TMEM232: variants seen among roughly 807,000 people sequenced by gnomAD.
The protein encoded by TMEM232 is transmembrane protein 232.
TMEM232 carries 80 observed loss-of-function variants against 78.8 expected under a neutral mutation model. That is an observed-to-expected ratio of 1.01 (90% CI 0.85 to 1.22). The LOEUF (loss-of-function observed/expected upper bound fraction) is 1.22. Among genes scored for constraint, TMEM232 ranks in the 50% most tolerant of loss-of-function variants. The pLI is 0.00. For synonymous variants in TMEM232, 297 were observed against 254.3 expected (o/e 1.17, Z -1.60); for missense variants, 881 against 742.2 (o/e 1.19, Z -2.17).
downstream of TMEM232, among the ~76,000 whole-genome samples, chr5:110,415,099 C>T (rs1458097995): frequency 6.6e-6 from 1 of 152,122 alleles, no homozygotes; most frequent in Non-Finnish European, 1.5e-5. Context: ...ACTCAGGCTC[C>T]TTATCTATTT....
chr5:110,700,773 GATA>G (rs1795331548), intron 1 of TMEM232, among the ~76,000 whole-genome samples: 1 of 127,544 alleles, frequency 7.8e-6, no homozygotes, highest in Non-Finnish European at 1.7e-5. Context: ...TAGGTAGGTA[GATA>G]GATAGATAGG....
At chr5:110,666,196 C>T (rs1790566033) in intron 2 of TMEM232, among the ~76,000 whole-genome samples, 1 of 152,036 alleles carries the variant, frequency 6.6e-6, no homozygotes, top group Admixed American at 6.6e-5. Context: ...CTGACCTGCT[C>T]CTTTTTAGCA....
At chr5:110,497,098 C>G (rs901046940) in intron 12 of TMEM232, among the ~76,000 whole-genome samples, 6 of 151,782 alleles carry the variant, frequency 4.0e-5, no homozygotes, top group Non-Finnish European at 8.8e-5. Context: ...TATCTATGGT[C>G]TCCTCCAAAT....
chr5:110,651,957 A>C (rs887942476), intron 2 of TMEM232, among the ~76,000 whole-genome samples: 2 of 152,172 alleles, frequency 1.3e-5, no homozygotes, highest in African/African-American at 4.8e-5. Context: ...TTACTGTTGT[A>C]CATAGAATTT....
intron 7 of TMEM232, among the ~76,000 whole-genome samples, chr5:110,618,973 T>A (rs1308744146): frequency 1.3e-5 from 2 of 152,230 alleles, no homozygotes; most frequent in Non-Finnish European, 2.9e-5. Context: ...ATTTCTACTT[T>A]AAGGACCAAA....
intron 1 of TMEM232, among the ~76,000 whole-genome samples, chr5:110,723,439 T>C (rs1438877796): frequency 6.6e-6 from 1 of 152,206 alleles, no homozygotes; most frequent in Non-Finnish European, 1.5e-5. Context: ...GGCTACTTCT[T>C]GGCTAGTACA....
intron 10 of TMEM232, among the ~76,000 whole-genome samples, chr5:110,586,223 A>G (rs746229998): frequency 6.6e-6 from 1 of 152,082 alleles, no homozygotes; most frequent in South Asian, 2.1e-4. Flanking sequence ...TTCACTTTTA[A>G]CTTATTGTAA....
At chr5:110,537,502 C>A (rs961057781) in intron 11 of TMEM232, among the ~76,000 whole-genome samples, 1 of 152,102 alleles carries the variant, frequency 6.6e-6, no homozygotes, top group African/African-American at 2.4e-5. Flanking sequence ...AACCAGCCCC[C>A]CAAGGGAAAG....
At position 110,429,705 on chromosome 5, in the gene TMEM232, T is replaced by C. The variant is rs140701223; in HGVS notation, c.1704-4789A>G. Among the ~76,000 whole-genome samples, 1,290 of 151,924 alleles carry C rather than the reference T, an allele frequency of 8.5e-3. 18 individuals carry two copies. The highest frequency in any genetic ancestry group is 0.029 in the African/African-American group (1,214 of 41,482). On this transcript the variant is annotated intron_variant, in intron 12 of 13. Transcript: ENST00000455884. ...AACCCTAGAACTCCATTCTTAACAATTGAATGTCTTCCCCCCTTATCCCAC... is the reference window on the plus strand; with the variant it reads ...AACCCTAGAACTCCATTCTTAACAACTGAATGTCTTCCCCCCTTATCCCAC...
intron 10 of TMEM232, among the ~76,000 whole-genome samples, chr5:110,583,652 A>T (rs137939639): frequency 2.0e-5 from 3 of 151,960 alleles, no homozygotes; most frequent in African/African-American, 7.2e-5. Context: ...CATCAAATAA[A>T]AAAGCTTCTG....
At chr5:110,596,667 T>C (rs1405786283) in intron 10 of TMEM232, among the ~76,000 whole-genome samples, 7 of 152,136 alleles carry the variant, frequency 4.6e-5, no homozygotes, top group Admixed American at 1.3e-4. Flanking sequence ...TTATCCACCA[T>C]GATCAAGTGG....
intron 2 of TMEM232, among the ~76,000 whole-genome samples, chr5:110,665,891 C>CAAAAAAAAAA (rs775392111): frequency 7.8e-5 from 5 of 63,810 alleles, no homozygotes; most frequent in Non-Finnish European, 1.4e-4. Flanking sequence ...CCCATCTCCA[C>CAAAAAAAAAA]AAAAAAAAAA....
intron 12 of TMEM232, among the ~76,000 whole-genome samples, chr5:110,522,945 C>T (rs771070350): frequency 8.5e-5 from 13 of 152,118 alleles, no homozygotes; most frequent in Admixed American, 2.6e-4. Context: ...GAAGCTTTCC[C>T]TCCTCTTCAA....
intron 12 of TMEM232, among the ~76,000 whole-genome samples, chr5:110,474,256 T>G (rs1332450609): frequency 1.3e-5 from 2 of 151,958 alleles, no homozygotes; most frequent in African/African-American, 2.4e-5. Flanking sequence ...CCCATAAATA[T>G]GTACAATTAT....
At chr5:110,704,492 TTTTTTAACATATACC>T (rs1795732843) in intron 1 of TMEM232, among the ~76,000 whole-genome samples, 1 of 152,100 alleles carries the variant, frequency 6.6e-6, no homozygotes, top group Non-Finnish European at 1.5e-5. Context: ...TCATGTCAAT[TTTTTTAACATATACC>T]TTTTGTTTTT....
chr5:110,551,141 T>G (rs1774408201), intron 11 of TMEM232, among the ~76,000 whole-genome samples: 1 of 152,166 alleles, frequency 6.6e-6, no homozygotes, highest in South Asian at 2.1e-4. Context: ...TGAATAAGCC[T>G]TGAACACTTA....
chr5:110,733,278 A>T (rs1375812690), intron 2 of TMEM232, among the ~76,000 whole-genome samples: 2 of 152,230 alleles, frequency 1.3e-5, no homozygotes, highest in African/African-American at 4.8e-5. Flanking sequence ...TGTGGACAGC[A>T]GTGCGTTGGT....
chr5:110,562,896 C>T (rs188728011), intron 11 of TMEM232, among the ~76,000 whole-genome samples: 12 of 151,750 alleles, frequency 7.9e-5, no homozygotes, highest in Non-Finnish European at 1.8e-4. Context: ...CATTTATGTC[C>T]GTAAATCATA....
At chr5:110,705,427 T>A (rs749072361) in intron 1 of TMEM232, among the ~76,000 whole-genome samples, 1 of 152,078 alleles carries the variant, frequency 6.6e-6, no homozygotes, top group African/African-American at 2.4e-5. Context: ...GGTTGGAAGC[T>A]GCATGGAAAG....
Sources: gnomAD v4.1 joint callset for allele counts (sites outside exome capture counted in the v4.1 genomes callset) on GRCh38, gnomAD v4.1.1 for gene constraint, MANE v1.5 for transcripts, NCBI Gene and HGNC (gene_info 2026-07-23, HGNC 2026-07-21) for gene names.